The following DLX2 variants were observed in gnomAD, a reference collection of about 807,000 sequenced individuals.
DLX2 encodes distal-less homeobox 2.
A neutral mutation model predicts 27.4 loss-of-function variants in DLX2; 8 were observed. The observed-to-expected ratio is 0.29, with a 90% CI of 0.17 to 0.53. DLX2 has a LOEUF of 0.53. Ranked by LOEUF, DLX2 falls within the 20% of genes least tolerant of loss-of-function variation. DLX2 has a pLI of 0.96. For synonymous variants in DLX2, 210 were observed against 200.8 expected (o/e 1.05, Z -0.39); for missense variants, 421 against 450.9 (o/e 0.93, Z 0.60).
chr2:172,099,738 C>T lies in DLX2; in HGVS notation c.*805G>A, dbSNP rs1359224871. The T allele has an allele frequency of 6.6e-6, 1 of 152,560 alleles. No homozygotes were observed. Among genetic ancestry groups the T allele is most frequent in the African/African-American group, 2.4e-5 (1 of 41,440 alleles). 9.5% of individuals were successfully genotyped at this position (152,560 alleles called of 1,614,324 possible). On this transcript the variant is annotated 3_prime_UTR_variant, in exon 3 of 3. Transcript: ENST00000234198. The stretch of plus-strand genomic sequence containing the variant: ...ACAAATAAATCAGTGGGAAAATCTG[C>T]ACAGACACCTTTATTTACAAACTCT...
rs1386028157 is a variant in DLX2 at position 172,099,688 on chromosome 2, A to G, written c.*855T>C. The G allele has an allele frequency of 6.6e-6, 1 of 152,654 alleles. No homozygotes were observed. Among genetic ancestry groups the G allele is most frequent in the Non-Finnish European group, 1.5e-5 (1 of 68,034 alleles). 9.5% of individuals were successfully genotyped at this position (152,654 alleles called of 1,614,324 possible). ...TTTCACAACTGGGGGTTTACAAAAA[A>G]GTCTGAAAAGATGAGTATTTTTATA... On this transcript the variant is annotated 3_prime_UTR_variant, in exon 3 of 3. Coordinates refer to ENST00000234198, the MANE Select transcript of DLX2 (RefSeq NM_004405.4).
chr2:172,102,741 G>C lies in DLX2; in HGVS notation c.-203C>G, dbSNP rs997829822. The C allele has an allele frequency of 5.9e-6, 3 of 512,044 alleles. No homozygotes were observed. The highest frequency in any genetic ancestry group is 1.0e-5 in the Non-Finnish European group (3 of 300,296). 31.7% of individuals were successfully genotyped at this position (512,044 alleles called of 1,614,324 possible). ...CTGCTCGGGACAGCTGCCTCTGGTC[G>C]CATCCTCTTTCGGCCTCTGGGCCCG... On this transcript the variant is annotated 5_prime_UTR_variant, in exon 1 of 3. Transcript: ENST00000234198.
At position 172,102,579 on chromosome 2, in the gene DLX2, G is replaced by A. The variant is rs899725339; in HGVS notation, c.-41C>T. On this transcript the variant is annotated 5_prime_UTR_variant, in exon 1 of 3. Coordinates refer to ENST00000234198, the MANE Select transcript of DLX2 (RefSeq NM_004405.4). ...GAAAGAGCAGAGGTGGCGGGCGTGC[G>A]GGGGAAGCCAGGCGCCTCCTCTGTC... The A allele has an allele frequency of 6.8e-7, 1 of 1,468,286 alleles. No homozygotes were observed. Among genetic ancestry groups the A allele is most frequent in the Non-Finnish European group, 9.0e-7 (1 of 1,109,740 alleles). The allele number at this position is 1,468,286 out of a possible 1,614,324, so 91.0% of individuals were successfully genotyped here.
At position 172,100,642 on chromosome 2, in the gene DLX2, C is replaced by G; in HGVS notation, c.888G>C (p.Thr296=). The G allele has an allele frequency of 6.4e-7, 1 of 1,564,364 alleles. No homozygotes were observed. Among genetic ancestry groups the G allele is most frequent in the Non-Finnish European group, 8.6e-7 (1 of 1,161,210 alleles). The change falls in exon 3 of 3, where the codon ACG becomes ACC. Residue 296 remains threonine (T), a synonymous_variant. Transcript: ENST00000234198. The surrounding 1 kb of genome is among the most constrained non-coding windows in gnomAD (Gnocchi z 4.5). ...TCTGAGTGGGGTGCAGCAGCGGCGC[C>G]GTGGCCTGCAGGTGTGAGGCGGATC... ...TSGSASHLQA[T]APLLHPTQTP...
In DLX2 at chr2:172,102,434, G is replaced by A; in HGVS notation, c.105C>T (p.Ala35=). The part of the protein sequence containing the change: ...QHQQPPSGGG[A]GPGGNSSSSS... The stretch of plus-strand genomic sequence containing the variant: ...TGCTGCTGCTGTTGCCACCCGGGCC[G>A]GCGCCGCCGCCGCTCGGGGGCTGCT... The change falls in exon 1 of 3, where the codon GCC becomes GCT. Residue 35 remains alanine, a synonymous_variant. Coordinates refer to ENST00000234198, the MANE Select transcript of DLX2 (RefSeq NM_004405.4). The A allele has an allele frequency of 6.5e-7, 1 of 1,549,124 alleles. No individual in the cohort carries two copies. The highest frequency in any genetic ancestry group is 8.7e-7 in the Non-Finnish European group (1 of 1,146,340).
Position 172,101,593 on chromosome 2 carries a change from C to T in DLX2, c.454G>A (p.Val152Ile), listed in dbSNP as rs1412906164. The change falls in exon 2 of 3, where the codon GTC becomes ATC. Residue 152 changes from valine to isoleucine, a missense_variant. Physicochemically the swap from Val to Ile is conservative, Grantham distance 29. Transcript: ENST00000234198. ...GAGTAGATGGTGCGGGGTTTCCGGA[C>T]TTTCTTTGGCTTCCCGTTCACTATC... ...IRIVNGKPKK[V>I]RKPRTIYSSF... 5 of 1,614,132 alleles carry T rather than the reference C, an allele frequency of 3.1e-6. No homozygotes were observed. The African/African-American group carries it at 5.3e-5, about 17-fold the overall frequency.
Position 172,100,446 on chromosome 2 carries a change from G to A in DLX2, c.*97C>T, listed in dbSNP as rs1559032167. The stretch of plus-strand genomic sequence containing the variant: ...AGGTCGCAGCCTGCAGGAGAGGTGG[G>A]TGGCGGCAGCGGGCCGGGAGGAGGG... On this transcript the variant is annotated 3_prime_UTR_variant, in exon 3 of 3. Transcript: ENST00000234198. This position sits in a 1 kb window ranked among gnomAD's most constrained non-coding sequence, Gnocchi z 4.5. The A allele has an allele frequency of 2.2e-6, 3 of 1,353,390 alleles. No homozygotes were observed. The highest frequency in any genetic ancestry group is 5.3e-5 in the Admixed American group (2 of 37,662). The allele number at this position is 1,353,390 out of a possible 1,614,324, so 83.8% of individuals were successfully genotyped here. A position where few individuals can be genotyped will look rare whatever the true frequency, so the allele number is the denominator to read the frequency against.
chr2:172,100,363 G>T lies in DLX2; in HGVS notation c.*180C>A. 1 of 601,258 alleles carries T rather than the reference G, an allele frequency of 1.7e-6. No homozygotes were observed. Among genetic ancestry groups the T allele is most frequent in the Non-Finnish European group, 2.6e-6 (1 of 381,892 alleles). 37.2% of individuals were successfully genotyped at this position (601,258 alleles called of 1,614,324 possible). A position where few individuals can be genotyped will look rare whatever the true frequency, so the allele number is the denominator to read the frequency against. ...TGCCAAGCTGCTGTCCGGTTCCCCC[G>T]AGAGAGGGGCCCGTTTGGTGGCCCC... On this transcript the variant is annotated 3_prime_UTR_variant, in exon 3 of 3. Transcript: ENST00000234198. The surrounding 1 kb of genome is among the most constrained non-coding windows in gnomAD (Gnocchi z 4.5).
chr2:172,102,559 A>G lies in DLX2; in HGVS notation c.-21T>C. 1 of 1,505,512 alleles carries G rather than the reference A, an allele frequency of 6.6e-7. No homozygotes were observed. The highest frequency in any genetic ancestry group is 8.9e-7 in the Non-Finnish European group (1 of 1,128,344). The allele number at this position is 1,505,512 out of a possible 1,614,324, so 93.3% of individuals were successfully genotyped here. A position where few individuals can be genotyped will look rare whatever the true frequency, so the allele number is the denominator to read the frequency against. On this transcript the variant is annotated 5_prime_UTR_variant, in exon 1 of 3. Transcript: ENST00000234198. ...GTCATCCTGGCCCGAGACGGGAAAG[A>G]GCAGAGGTGGCGGGCGTGCGGGGGA...
intron 2 of DLX2, 83 bp downstream of exon 2, chr2:172,101,379 T>TAAA: frequency 7.2e-7 from 1 of 1,382,154 alleles, no homozygotes. Flanking sequence ...AAATGAACTT[T>TAAA]AAAAAGCATT....
rs752884221 is a variant in DLX2 at position 172,102,299 on chromosome 2, CCCGCCG to C, written c.234_239del (p.Gly80_Gly81del). 1 of 1,609,114 alleles carries C rather than the reference CCCGCCG, an allele frequency of 6.2e-7. No homozygotes were observed. The highest frequency in any genetic ancestry group is 1.1e-5 in the South Asian group (1 of 90,834). ...AACCCATGTGCGCGTAGGGCGAGCC[CCCGCCG>C]CCGCCGCCGCCCGCCGGGTGCTGCT... On this transcript the variant is annotated inframe_deletion, in exon 1 of 3. Coordinates refer to ENST00000234198, the MANE Select transcript of DLX2 (RefSeq NM_004405.4).
At position 172,102,812 on chromosome 2, in the gene DLX2, G is replaced by C; in HGVS notation, c.-274C>G. The C allele has an allele frequency of 3.0e-6, 1 of 335,612 alleles. No individual in the cohort carries two copies. Among genetic ancestry groups the C allele is most frequent in the Non-Finnish European group, 5.4e-6 (1 of 185,848 alleles). 20.8% of individuals were successfully genotyped at this position (335,612 alleles called of 1,614,324 possible). Reference sequence around the variant, plus strand: ...GAGCGCGGGCTCTGGCGGGGGGCGGGCAGTGGAGGGGGCAGGGGTGGCTGG... The same window carrying C: ...GAGCGCGGGCTCTGGCGGGGGGCGGCCAGTGGAGGGGGCAGGGGTGGCTGG... On this transcript the variant is annotated 5_prime_UTR_variant, in exon 1 of 3. Coordinates refer to ENST00000234198, the MANE Select transcript of DLX2 (RefSeq NM_004405.4).
chr2:172,100,385 C>A lies in DLX2; in HGVS notation c.*158G>T. 1.3e-6 allele frequency: 1 copy of A among 764,560 alleles called. No individual in the cohort carries two copies. The highest frequency in any genetic ancestry group is 2.5e-5 in the South Asian group (1 of 40,200). The allele number at this position is 764,560 out of a possible 1,614,324, so 47.4% of individuals were successfully genotyped here. On this transcript the variant is annotated 3_prime_UTR_variant, in exon 3 of 3. Coordinates refer to ENST00000234198, the MANE Select transcript of DLX2 (RefSeq NM_004405.4). The surrounding 1 kb of genome is among the most constrained non-coding windows in gnomAD (Gnocchi z 4.5). ...CCCGAGAGAGGGGCCCGTTTGGTGG[C>A]CCCGGGAGTGAGCAGGGCCTGAGAC...
rs552772556 is a variant in DLX2, at chr2:172,101,552, C to T, written c.495G>A (p.Ala165=). Residue 165 remains alanine (A), a synonymous_variant, in exon 2 of 3, where the codon GCG becomes GCA. Coordinates refer to ENST00000234198, the MANE Select transcript of DLX2 (RefSeq NM_004405.4). ...PRTIYSSFQL[A]ALQRRFQKTQ... ...TCTTTTGGAAACGCCGCTGAAGAGCCGCCAGCTGGAAACTGGAGTAGATGG... is the reference window on the plus strand; with the variant it reads ...TCTTTTGGAAACGCCGCTGAAGAGCTGCCAGCTGGAAACTGGAGTAGATGG... 4.3e-6 allele frequency: 7 copies of T among 1,614,070 alleles called. No homozygotes were observed. Among genetic ancestry groups the T allele is most frequent in the Non-Finnish European group, 5.9e-6 (7 of 1,180,028 alleles).
At chr2:172,101,090 G>A in intron 2 of DLX2, 146 bp from the exon 3 acceptor site, 1 of 893,220 alleles carries the variant, frequency 1.1e-6, no homozygotes, top group Non-Finnish European at 1.7e-6. Context: ...ATCACGGGCG[G>A]CGGCCTTCGA....
chr2:172,102,158 G>A lies in DLX2; in HGVS notation c.381C>T (p.Ser127=). Residue 127 remains serine, a synonymous_variant, in exon 1 of 3, where the codon TCC becomes TCT. Coordinates refer to ENST00000234198, the MANE Select transcript of DLX2 (RefSeq NM_004405.4). ...GCATACCAGGCTCGTTGTTGGCTGGGGACGAACTGGTTCCATAGGGAGCGT... is the reference window on the plus strand; with the variant it reads ...GCATACCAGGCTCGTTGTTGGCTGGAGACGAACTGGTTCCATAGGGAGCGT... The part of the protein sequence containing the change: ...TSYAPYGTSS[S]PANNEPEKED... The A allele has an allele frequency of 6.2e-7, 1 of 1,613,832 alleles. No homozygotes were observed. Among genetic ancestry groups the A allele is most frequent in the Non-Finnish European group, 8.5e-7 (1 of 1,179,844 alleles).
intron 1 of DLX2, 77 bp from the exon 2 acceptor site, chr2:172,101,723 G>C: frequency 2.0e-6 from 3 of 1,486,064 alleles, no homozygotes; most frequent in Non-Finnish European, 1.8e-6. Context: ...GGCCCGGCGG[G>C]GGGGACTTGG....
Position 172,100,608 on chromosome 2 carries a change from G to A in DLX2, c.922C>T (p.Pro308Ser), listed in dbSNP as rs1691134313. The change falls in exon 3 of 3, where the codon CCG (proline) becomes TCG (serine). Residue 308 changes from proline (P) to serine (S), a missense_variant. By Grantham distance (74) the Pro-to-Ser change is moderately conservative. Around this residue, in one of 5 missense-constraint regions of DLX2, gnomAD observed 185 missense variants for 171.1 expected, o/e 1.08. Transcript: ENST00000234198. This position sits in a 1 kb window ranked among gnomAD's most constrained non-coding sequence, Gnocchi z 4.5. The part of the protein sequence containing the change: ...PLLHPTQTPQ[P>S]HHHHHHHGGG... ...CCGTGATGGTGGTGGTGGTGATGCGGCTGCGGGGTCTGAGTGGGGTGCAGC... is the reference window on the plus strand; with the variant it reads ...CCGTGATGGTGGTGGTGGTGATGCGACTGCGGGGTCTGAGTGGGGTGCAGC... 3 of 1,573,032 alleles carry A rather than the reference G, an allele frequency of 1.9e-6. No homozygotes were observed. The highest frequency in any genetic ancestry group is 1.2e-5 in the South Asian group (1 of 85,900).
chr2:172,100,784 A>G lies in DLX2; in HGVS notation c.746T>C (p.Met249Thr). 3 of 1,590,850 alleles carry G rather than the reference A, an allele frequency of 1.9e-6. No homozygotes were observed. The highest frequency in any genetic ancestry group is 2.6e-6 in the Non-Finnish European group (3 of 1,168,510). ...ASWDFGVPQR[M>T]AGGGGPGSGG... is the part of the protein sequence containing the mutation. Reference sequence around the variant, plus strand: ...ACTGCCCGGACCACCGCCGCCCGCCATCCGCTGCGGCACACCAAAGTCCCA... The same window carrying G: ...ACTGCCCGGACCACCGCCGCCCGCCGTCCGCTGCGGCACACCAAAGTCCCA... The change falls in exon 3 of 3, where the codon ATG becomes ACG. Residue 249 changes from methionine (M) to threonine (T), a missense_variant. This residue lies in a region of DLX2 where 185 missense variants were observed against 171.1 expected (regional missense o/e 1.08). Coordinates refer to ENST00000234198, the MANE Select transcript of DLX2 (RefSeq NM_004405.4). The surrounding 1 kb of genome is among the most constrained non-coding windows in gnomAD (Gnocchi z 4.5).
Sources: allele counts gnomAD v4.1 joint callset, GRCh38; gene constraint gnomAD v4.1.1; regional missense constraint gnomAD v4.1.1; non-coding constraint Gnocchi (gnomAD v3.1); transcripts MANE v1.5; gene names NCBI Gene and HGNC (gene_info 2026-07-23, HGNC 2026-07-21).